The following PCDHGB7 variants were observed in gnomAD, a reference collection of about 807,000 sequenced individuals.
PCDHGB7 encodes protocadherin gamma-B7.
In PCDHGB7, 37 loss-of-function variants were observed where a neutral mutation model predicts 61.4. The observed-to-expected ratio is 0.60, with a 90% CI of 0.46 to 0.79. The LOEUF (loss-of-function observed/expected upper bound fraction) is 0.79, where lower values mean the gene tolerates loss of function less well. Ranked by LOEUF, PCDHGB7 falls within the 30% of genes least tolerant of loss-of-function variation. PCDHGB7 has a pLI of 0.00. For missense variants in PCDHGB7, 1,166 were observed against 1,202.5 expected (o/e 0.97, Z 0.45); for synonymous variants, 464 against 503.5 (o/e 0.92, Z 1.05).
chr5:141,477,878 C>A lies in PCDHGB7; in HGVS notation c.2416-16929C>A. ...GCTGCCTCGAGGTACCTCAGCTGGC[C>A]ACCTAGTGTCACGGGTGGTAGGCTG... is the stretch of plus-strand genomic sequence containing the variant. On this transcript the variant is annotated intron_variant, in intron 1 of 3. Transcript: ENST00000398594. The surrounding 1 kb of genome is among the most constrained non-coding windows in gnomAD (Gnocchi z 4.9). 1.2e-6 allele frequency: 2 copies of A among 1,614,158 alleles called. No individual in the cohort carries two copies. Among genetic ancestry groups the A allele is most frequent in the Non-Finnish European group, 1.7e-6 (2 of 1,180,008 alleles).
At chr5:141,449,537 C>A (rs1377909573) in intron 1 of PCDHGB7, among the ~76,000 whole-genome samples, 1 of 146,334 alleles carries the variant, frequency 6.8e-6, no homozygotes, top group Non-Finnish European at 1.5e-5. Flanking sequence ...TGCAGTGAGC[C>A]GAGATCGCAC....
intron 1 of PCDHGB7, among the ~76,000 whole-genome samples, chr5:141,460,724 A>G (rs1294708205): frequency 6.6e-6 from 1 of 152,114 alleles, no homozygotes; most frequent in Non-Finnish European, 1.5e-5. Flanking sequence ...TGTTATAAGC[A>G]TATATACACA....
chr5:141,492,461 G>T (rs1218833302), intron 1 of PCDHGB7, among the ~76,000 whole-genome samples: 1 of 152,212 alleles, frequency 6.6e-6, no homozygotes, highest in Non-Finnish European at 1.5e-5. Flanking sequence ...CGCGCCTGAG[G>T]GTCCCAGATC....
chr5:141,495,469 C>G (rs1398171981), intron 2 of PCDHGB7, among the ~76,000 whole-genome samples: 1 of 152,220 alleles, frequency 6.6e-6, no homozygotes, highest in Non-Finnish European at 1.5e-5. Flanking sequence ...TGTGGGGTCT[C>G]CGTGTCTCTG....
intron 1 of PCDHGB7, among the ~76,000 whole-genome samples, chr5:141,471,978 A>C (rs1246474598): frequency 1.3e-5 from 2 of 152,184 alleles, no homozygotes; most frequent in African/African-American, 4.8e-5. Flanking sequence ...TTACTGTATA[A>C]ATTTATTAAA....
In PCDHGB7 at chr5:141,419,206, G is replaced by T; in HGVS notation, c.1347G>T (p.Ala449=). The change falls in exon 1 of 4, where the codon GCG becomes GCT. Residue 449 remains alanine, a synonymous_variant. Transcript: ENST00000398594. ...TLHITDVNDN[A]PVFGQSAYLV... ...ACATTACTGACGTCAATGACAACGC[G>T]CCGGTTTTCGGACAGTCAGCCTACC... 1 of 1,613,876 alleles carries T rather than the reference G, an allele frequency of 6.2e-7. No homozygotes were observed. Among genetic ancestry groups the T allele is most frequent in the Non-Finnish European group, 8.5e-7 (1 of 1,179,882 alleles).
At chr5:141,449,450 T>C (rs1269861041) in intron 1 of PCDHGB7, among the ~76,000 whole-genome samples, 2 of 151,216 alleles carry the variant, frequency 1.3e-5, no homozygotes, top group Non-Finnish European at 2.9e-5. Context: ...CTACTAAAAA[T>C]ACAAAAATTA....
chr5:141,420,165 C>T lies in PCDHGB7; in HGVS notation c.2306C>T (p.Thr769Ile). Residue 769 changes from threonine (T) to isoleucine (I), a missense_variant, in exon 1 of 4, where the codon ACA (threonine) becomes ATA (isoleucine). Coordinates refer to ENST00000398594, the MANE Select transcript of PCDHGB7 (RefSeq NM_018927.4). ...DQMNPEFNFF[T>I]SVDHCPATQD... The stretch of plus-strand genomic sequence containing the variant: ...ATGAATCCAGAATTTAATTTTTTCA[C>T]ATCTGTTGATCATTGTCCAGCCACA... 6.2e-7 allele frequency: 1 copy of T among 1,614,022 alleles called. No individual in the cohort carries two copies. Among genetic ancestry groups the T allele is most frequent in the South Asian group, 1.1e-5 (1 of 91,084 alleles).
Position 141,419,094 on chromosome 5 carries a change from G to C in PCDHGB7, c.1235G>C (p.Arg412Pro). The C allele has an allele frequency of 1.2e-6, 2 of 1,613,894 alleles. No individual in the cohort carries two copies. Among genetic ancestry groups the C allele is most frequent in the Non-Finnish European group, 1.7e-6 (2 of 1,179,878 alleles). The stretch of plus-strand genomic sequence containing the variant: ...CTAGTAACAGATGAGGCCCTGGATC[G>C]GGAGCAGACCCCAGAGTACAACGTC... ...YKLVTDEALD[R>P]EQTPEYNVTI... The change falls in exon 1 of 4, where the codon CGG (arginine) becomes CCG (proline). Residue 412 changes from arginine (R) to proline (P), a missense_variant. Coordinates refer to ENST00000398594, the MANE Select transcript of PCDHGB7 (RefSeq NM_018927.4).
In PCDHGB7 at chr5:141,418,666, G is replaced by C; in HGVS notation, c.807G>C (p.Gln269His). ...TCCTGAGAGTGAAGGCCACTGACCA[G>C]GACGAGGGCATCAACTCAGAGATCA... ...TSILRVKATD[Q>H]DEGINSEITY... The change falls in exon 1 of 4, where the codon CAG (glutamine) becomes CAC (histidine). Residue 269 changes from glutamine (Q) to histidine (H), a missense_variant. Transcript: ENST00000398594. The C allele has an allele frequency of 6.2e-7, 1 of 1,614,038 alleles. No homozygotes were observed. Among genetic ancestry groups the C allele is most frequent in the Non-Finnish European group, 8.5e-7 (1 of 1,179,894 alleles).
intron 1 of PCDHGB7, chr5:141,427,758 A>T: frequency 7.4e-7 from 1 of 1,345,378 alleles, no homozygotes; most frequent in Non-Finnish European, 1.1e-6. Context: ...CATCGTTACC[A>T]CTGACTTGGA....
At chr5:141,429,196 A>T (rs2097195436) in intron 1 of PCDHGB7, 2 of 151,994 alleles carry the variant, frequency 1.3e-5, no homozygotes, top group African/African-American at 4.8e-5. Context: ...ACACACACAC[A>T]CACACACACG....
At chr5:141,495,719 C>T (rs929450759) in intron 2 of PCDHGB7, among the ~76,000 whole-genome samples, 12 of 152,150 alleles carry the variant, frequency 7.9e-5, no homozygotes, top group African/African-American at 2.4e-5. Context: ...AGTAACTACA[C>T]GGGACCCTTA....
chr5:141,505,326 G>A, intron 2 of PCDHGB7, 67 bp from the exon 3 acceptor site: 2 of 1,607,648 alleles, frequency 1.2e-6, no homozygotes, highest in East Asian at 2.2e-5. Context: ...AGCCCTGGGA[G>A]AGGACAGGAG....
chr5:141,491,168 A>G lies in PCDHGB7; in HGVS notation c.2416-3639A>G. On this transcript the variant is annotated intron_variant, in intron 1 of 3. Coordinates refer to ENST00000398594, the MANE Select transcript of PCDHGB7 (RefSeq NM_018927.4). The surrounding 1 kb of genome is among the most constrained non-coding windows in gnomAD (Gnocchi z 6.9). Reference sequence around the variant, plus strand: ...CTGGAGGATGACTCTGACACCCAGCAGGTGGTGGTCCTGGTGAGGGACAAT... The same window carrying G: ...CTGGAGGATGACTCTGACACCCAGCGGGTGGTGGTCCTGGTGAGGGACAAT... 2 of 1,614,160 alleles carry G rather than the reference A, an allele frequency of 1.2e-6. No homozygotes were observed.
intron 1 of PCDHGB7, among the ~76,000 whole-genome samples, chr5:141,488,398 A>T (rs2099675065): frequency 6.6e-6 from 1 of 152,192 alleles, no homozygotes; most frequent in African/African-American, 2.4e-5. Flanking sequence ...GAAACCATGA[A>T]ACCTAGAAGC....
intron 1 of PCDHGB7, among the ~76,000 whole-genome samples, chr5:141,480,768 A>G (rs1371582817): frequency 6.6e-6 from 1 of 152,162 alleles, no homozygotes; most frequent in African/African-American, 2.4e-5. Flanking sequence ...TCCCCACTTG[A>G]TCCTAATGTG....
chr5:141,452,278 T>C (rs1047687328), intron 1 of PCDHGB7, among the ~76,000 whole-genome samples: 1 of 152,226 alleles, frequency 6.6e-6, no homozygotes, highest in African/African-American at 2.4e-5. Context: ...AACCCTTTCT[T>C]ACTTTCTGAT....
At chr5:141,466,827 T>C (rs1414741980) in intron 1 of PCDHGB7, among the ~76,000 whole-genome samples, 1 of 152,194 alleles carries the variant, frequency 6.6e-6, no homozygotes, top group Admixed American at 6.5e-5. Context: ...AACAAGTTAG[T>C]ATGGGTTTAT....
Sources: allele counts gnomAD v4.1 joint callset (sites outside exome capture counted in the v4.1 genomes callset), GRCh38; gene constraint gnomAD v4.1.1; non-coding constraint Gnocchi (gnomAD v3.1); transcripts MANE v1.5; gene names NCBI Gene and HGNC (gene_info 2026-07-23, HGNC 2026-07-21).